Variants in WDHD1 observed in about 807,000 individuals in gnomAD.
The protein encoded by WDHD1 is WD repeat and HMG-box DNA-binding protein 1.
WDHD1 carries 111 observed loss-of-function variants against 135.4 expected under a neutral mutation model. That is an observed-to-expected ratio of 0.82 (90% CI 0.70 to 0.96). WDHD1 has a LOEUF of 0.96. Among genes scored for constraint, WDHD1 ranks in the 40% least tolerant of loss-of-function variants. The pLI is 0.00. For synonymous variants in WDHD1, 434 were observed against 439.0 expected (o/e 0.99, Z 0.14); for missense variants, 1,351 against 1,336.3 (o/e 1.01, Z -0.17).
intron 16 of WDHD1, among the ~76,000 whole-genome samples, chr14:54,979,992 T>G (rs1278584909): frequency 6.6e-6 from 1 of 152,226 alleles, no homozygotes. Context: ...TCACATAATA[T>G]TGAGTTCACA....
chr14:54,989,896 TCAAGTGACCAACCCACCTTGGCCTCC>T (rs1286403883), intron 12 of WDHD1, among the ~76,000 whole-genome samples: 1 of 152,088 alleles, frequency 6.6e-6, no homozygotes, highest in East Asian at 1.9e-4. Flanking sequence ...ACTCCTATCC[TCAAGTGACCAACCCACCTTGGCCTCC>T]CAAAGTGCTG....
At chr14:54,986,251 A>T (rs1037529078) in intron 14 of WDHD1, among the ~76,000 whole-genome samples, 17 of 152,254 alleles carry the variant, frequency 1.1e-4, no homozygotes, top group Non-Finnish European at 2.5e-4. Flanking sequence ...CAAAAGAGTA[A>T]ACATTGTCCA....
At chr14:54,983,509 T>C (rs1043706798) in intron 15 of WDHD1, among the ~76,000 whole-genome samples, 3 of 151,694 alleles carry the variant, frequency 2.0e-5, no homozygotes, top group Admixed American at 6.6e-5. Context: ...CCTGTCTCTA[T>C]TAAAAATACA....
intron 11 of WDHD1, among the ~76,000 whole-genome samples, chr14:54,993,583 C>A (rs929464994): frequency 1.3e-5 from 2 of 152,176 alleles, no homozygotes; most frequent in Admixed American, 1.3e-4. Context: ...TCTTAAAATA[C>A]TTCTCCCTTT....
intron 18 of WDHD1, among the ~76,000 whole-genome samples, chr14:54,965,848 C>T (rs1481892985): frequency 5.3e-5 from 8 of 151,120 alleles, no homozygotes; most frequent in Non-Finnish European, 1.0e-4. Context: ...CCCAGCTACT[C>T]GGAAGGTTGA....
chr14:55,015,261 C>T (rs2042239910), intron 2 of WDHD1, among the ~76,000 whole-genome samples: 1 of 151,810 alleles, frequency 6.6e-6, no homozygotes, highest in Non-Finnish European at 1.5e-5. Context: ...GCTGTGCACA[C>T]CTGTAATCCC....
At chr14:55,019,719 A>G (rs2140232050) in intron 2 of WDHD1, among the ~76,000 whole-genome samples, 2 of 152,338 alleles carry the variant, frequency 1.3e-5, no homozygotes, top group African/African-American at 4.8e-5. Flanking sequence ...AAATACAAAA[A>G]TTAGCCAGCT....
intron 6 of WDHD1, among the ~76,000 whole-genome samples, chr14:55,008,000 T>C (rs1021758363): frequency 1.3e-5 from 2 of 152,150 alleles, no homozygotes; most frequent in Non-Finnish European, 2.9e-5. Flanking sequence ...TCCCCAACCA[T>C]CTAACCCAAG....
chr14:54,991,138 T>G (rs1555370032), intron 12 of WDHD1, 75 bp downstream of exon 12: 1 of 769,706 alleles, frequency 1.3e-6, no homozygotes, highest in Non-Finnish European at 2.1e-6. Context: ...ATATGTTTTA[T>G]CCAAAAAAAT....
intron 11 of WDHD1, among the ~76,000 whole-genome samples, chr14:54,995,003 T>TG (rs1202647643): frequency 6.6e-6 from 1 of 152,176 alleles, no homozygotes; most frequent in Non-Finnish European, 1.5e-5. Context: ...TCTTTGGAGA[T>TG]GGAGTCTTGC....
At chr14:54,992,407 T>C (rs1236143457) in intron 11 of WDHD1, among the ~76,000 whole-genome samples, 1 of 152,168 alleles carries the variant, frequency 6.6e-6, no homozygotes, top group Non-Finnish European at 1.5e-5. Context: ...GGAGAATCAC[T>C]TGTACCCAGA....
At chr14:54,991,173 G>A (rs1382687963) in intron 12 of WDHD1, 40 bp downstream of exon 12, 2 of 1,190,708 alleles carry the variant, frequency 1.7e-6, no homozygotes, top group Non-Finnish European at 2.4e-6. Context: ...AAAAAGTGCT[G>A]AAAACCTACT....
chr14:54,958,710 T>C (rs969487262), intron 21 of WDHD1, among the ~76,000 whole-genome samples: 1 of 152,176 alleles, frequency 6.6e-6, no homozygotes, highest in Non-Finnish European at 1.5e-5. Flanking sequence ...CCTTCCTCTC[T>C]GGACCTGTGG....
rs995146295 is a variant in WDHD1 at position 55,003,241 on chromosome 14, A to G, written c.601-1056T>C. On this transcript the variant is annotated intron_variant, in intron 7 of 25. Transcript: ENST00000360586. ...AAAGTTCACATGGGCTGGGTGTGGT[A>G]GCTCAGGCCTATAATCTCAGCACTT... 9.2e-5 allele frequency among the ~76,000 whole-genome samples: 14 copies of G among 152,106 alleles called. 1 individual carries two copies. In the South Asian group the frequency reaches 2.5e-3, roughly 27 times the overall value.
chr14:54,976,383 G>A (rs2041524652), intron 16 of WDHD1, among the ~76,000 whole-genome samples: 1 of 152,094 alleles, frequency 6.6e-6, no homozygotes, highest in African/African-American at 2.4e-5. Context: ...CACCATGCCT[G>A]GCAGGGTCTC....
intron 2 of WDHD1, among the ~76,000 whole-genome samples, chr14:55,025,273 A>G (rs1183450188): frequency 6.7e-6 from 1 of 149,382 alleles, no homozygotes; most frequent in Non-Finnish European, 1.5e-5. Context: ...CTCTCCCCAC[A>G]ATTGTCTTGT....
intron 14 of WDHD1, among the ~76,000 whole-genome samples, chr14:54,985,547 A>T (rs916352607): frequency 1.3e-5 from 2 of 152,232 alleles, no homozygotes; most frequent in Admixed American, 1.3e-4. Flanking sequence ...GATCACCTTG[A>T]CAGCTATCAG....
intron 15 of WDHD1, among the ~76,000 whole-genome samples, chr14:54,982,541 A>T (rs1158700365): frequency 3.3e-5 from 5 of 152,122 alleles, no homozygotes; most frequent in Non-Finnish European, 7.4e-5. Flanking sequence ...CTTGTTTTCC[A>T]CCTATTCTGC....
chr14:54,943,782 C>T (rs1342353197), intron 25 of WDHD1, among the ~76,000 whole-genome samples: 3 of 151,612 alleles, frequency 2.0e-5, no homozygotes, highest in African/African-American at 4.8e-5. Context: ...GAGATTAAAA[C>T]AGTAAACCGT....
Sources: gnomAD v4.1 joint callset for allele counts (sites outside exome capture counted in the v4.1 genomes callset) on GRCh38, gnomAD v4.1.1 for gene constraint, MANE v1.5 for transcripts, NCBI Gene and HGNC (gene_info 2026-07-23, HGNC 2026-07-21) for gene names.